TEX11: variants seen among roughly 807,000 people sequenced by gnomAD.
TEX11 encodes testis expressed 11.
TEX11 carries 7 observed loss-of-function variants against 84.4 expected under a neutral mutation model. That is an observed-to-expected ratio of 0.08 (90% CI 0.05 to 0.16). TEX11 has a LOEUF of 0.16. Among genes scored for constraint, TEX11 ranks in the 10% least tolerant of loss-of-function variants. The pLI is 1.00. For synonymous variants in TEX11, 264 were observed against 222.8 expected, an observed-to-expected ratio of 1.18 and a Z score of -1.64; for missense variants, 551 against 660.5, an observed-to-expected ratio of 0.83 and a Z score of 1.82.
chrX:70,613,783 T>C (rs2089289314), intron 20 of TEX11, among the ~76,000 whole-genome samples: 1 of 111,281 alleles, frequency 9.0e-6, no homozygotes, highest in South Asian at 3.9e-4. Flanking sequence ...AGGAGACCTC[T>C]TCCTTCCGCT....
chrX:70,803,076 T>C (rs1363187400), intron 9 of TEX11, among the ~76,000 whole-genome samples: 1 of 111,375 alleles, frequency 9.0e-6, no homozygotes, highest in Admixed American at 9.6e-5. Flanking sequence ...GGAGCAGACA[T>C]AGGAGCTCAG....
At chrX:70,577,161 A>C (rs1424279655) in intron 25 of TEX11, among the ~76,000 whole-genome samples, 1 of 111,669 alleles carries the variant, frequency 9.0e-6, no homozygotes, top group African/African-American at 3.3e-5. Flanking sequence ...TAGAAGGTCT[A>C]AAGAGACCTC....
At chrX:70,775,765 A>T (rs1888541793) in intron 9 of TEX11, among the ~76,000 whole-genome samples, 1 of 96,741 alleles carries the variant, frequency 1.0e-5, no homozygotes, top group East Asian at 3.9e-4. Flanking sequence ...ACGCCACTGC[A>T]CTGCAACCTG....
At chrX:70,672,674 T>C (rs2147640232) in intron 15 of TEX11, among the ~76,000 whole-genome samples, 1 of 112,091 alleles carries the variant, frequency 8.9e-6, no homozygotes, top group South Asian at 3.7e-4. Context: ...TATCCTTTGC[T>C]AATTTTTGAA....
At chrX:70,615,072 G>A (rs1007777168) in intron 20 of TEX11, among the ~76,000 whole-genome samples, 6 of 110,538 alleles carry the variant, frequency 5.4e-5, no homozygotes, top group African/African-American at 2.0e-4. Flanking sequence ...CTCCCAAGAA[G>A]GACAGGTACA....
In TEX11 at chrX:70,678,876, T is replaced by C. The variant is rs1376810864; in HGVS notation, c.1170A>G (p.Gly390=). Residue 390 remains glycine (G), a synonymous_variant, in exon 15 of 30, where the codon GGA becomes GGG. Coordinates refer to ENST00000374333, the MANE Select transcript of TEX11 (RefSeq NM_031276.3). ...IEEIFLAHQT[G]RQLTAESMNW... ...TCATTGATTCTGCTGTCAGTTGTCT[T>C]CCTGTTTGGTGAGCTGAAAAAAAAA... is the stretch of plus-strand genomic sequence containing the variant. 6.0e-6 allele frequency: 7 copies of C among 1,167,152 alleles called. No homozygotes were observed. The South Asian group carries it at 9.4e-5, about 16-fold the overall frequency.
intron 9 of TEX11, among the ~76,000 whole-genome samples, chrX:70,781,721 T>C (rs994790553): frequency 1.8e-5 from 2 of 111,358 alleles, no homozygotes; most frequent in Non-Finnish European, 3.8e-5. Context: ...GTACCACTGA[T>C]TGAAGATCAA....
At position 70,725,340 on chromosome X, in the gene TEX11, G is replaced by A. The variant is rs368140818; in HGVS notation, c.847C>T (p.His283Tyr). 8.6e-7 allele frequency: 1 copy of A among 1,158,944 alleles called. No homozygotes were observed. The highest frequency in any genetic ancestry group is 1.8e-5 in the African/African-American group (1 of 56,269). The change falls in exon 12 of 30, where the codon CAT (histidine) becomes TAT (tyrosine). Residue 283 changes from histidine (H) to tyrosine (Y), a missense_variant. By Grantham distance (83) the His-to-Tyr change is moderately conservative. Coordinates refer to ENST00000374333, the MANE Select transcript of TEX11 (RefSeq NM_031276.3). ...LNAVNLANKEHLSSPGLFLKM... is the reference protein window; with the variant it reads ...LNAVNLANKEYLSSPGLFLKM... ...AAGAAAAGCCCAGGAGAACTTAAATGTTCCTATTTTAAACAAAGAAATCAC... is the reference window on the plus strand; with the variant it reads ...AAGAAAAGCCCAGGAGAACTTAAATATTCCTATTTTAAACAAAGAAATCAC...
At chrX:70,588,092 G>A (rs916708928) in intron 25 of TEX11, among the ~76,000 whole-genome samples, 1 of 112,298 alleles carries the variant, frequency 8.9e-6, no homozygotes, top group African/African-American at 3.2e-5. Context: ...ACTTGGTTTT[G>A]CTGTTATAGG....
chrX:70,779,783 A>G (rs2091026067), intron 9 of TEX11, among the ~76,000 whole-genome samples: 1 of 111,394 alleles, frequency 9.0e-6, no homozygotes, highest in Non-Finnish European at 1.9e-5. Context: ...AAACTAGATA[A>G]CCTAGAAGAA....
intron 5 of TEX11, among the ~76,000 whole-genome samples, chrX:70,858,561 T>C (rs1441335699): frequency 9.0e-6 from 1 of 110,507 alleles, no homozygotes; most frequent in Non-Finnish European, 1.9e-5. Context: ...ACATTTACAT[T>C]CTATAAGAGA....
At chrX:70,823,760 A>G (rs2091330796) in intron 8 of TEX11, among the ~76,000 whole-genome samples, 1 of 110,868 alleles carries the variant, frequency 9.0e-6, no homozygotes, top group African/African-American at 3.3e-5. Flanking sequence ...TAATCCCAGC[A>G]CTTTGGGAGG....
intron 13 of TEX11, among the ~76,000 whole-genome samples, chrX:70,707,491 T>G (rs891817382): frequency 1.8e-5 from 2 of 110,639 alleles, no homozygotes; most frequent in Non-Finnish European, 3.8e-5. Context: ...TCTTATCCAT[T>G]TCTAAGACCC....
At chrX:70,634,143 C>T (rs774049519) in intron 17 of TEX11, among the ~76,000 whole-genome samples, 3 of 111,100 alleles carry the variant, frequency 2.7e-5, no homozygotes, top group Non-Finnish European at 5.7e-5. Context: ...ATATAGTGTA[C>T]TTAGGGATAA....
intron 4 of TEX11, among the ~76,000 whole-genome samples, chrX:70,863,381 G>A (rs1361461085): frequency 8.9e-6 from 1 of 112,160 alleles, no homozygotes; most frequent in Non-Finnish European, 1.9e-5. Context: ...GGAAGGAGCA[G>A]GCAGCAATCT....
At chrX:70,601,589 G>T (rs1383109238) in intron 24 of TEX11, among the ~76,000 whole-genome samples, 1 of 93,586 alleles carries the variant, frequency 1.1e-5, no homozygotes, top group Non-Finnish European at 2.1e-5. Flanking sequence ...CGCAGAGGGG[G>T]ATTTGGCAGG....
intron 9 of TEX11, among the ~76,000 whole-genome samples, chrX:70,765,545 T>G (rs2090934176): frequency 8.9e-6 from 1 of 112,249 alleles, no homozygotes; most frequent in South Asian, 3.7e-4. Context: ...CATATGATCA[T>G]TTCAATTGAT....
the TEX11 span, among the ~76,000 whole-genome samples, chrX:70,521,364 C>T: frequency 6.4e-5 from 7 of 110,079 alleles, no homozygotes; most frequent in East Asian, 1.4e-3. Flanking sequence ...TTGCAACTTC[C>T]GTATCCCATG....
chrX:70,832,193 G>GCTAAACCCACATTAAAT (rs2091380722), intron 8 of TEX11, among the ~76,000 whole-genome samples: 1 of 111,411 alleles, frequency 9.0e-6, no homozygotes, highest in Admixed American at 9.6e-5. Context: ...GGAAACTTTG[G>GCTAAACCCACATTAAAT]CTAAACCCAC....
Sources: gnomAD v4.1 joint callset for allele counts (sites outside exome capture counted in the v4.1 genomes callset) on GRCh38, gnomAD v4.1.1 for gene constraint, MANE v1.5 for transcripts, NCBI Gene and HGNC (gene_info 2026-07-23, HGNC 2026-07-21) for gene names.